PTPN2: variants seen among roughly 807,000 people sequenced by gnomAD.
The protein encoded by PTPN2 is protein tyrosine phosphatase non-receptor type 2.
Under a neutral mutation model 57.3 loss-of-function variants are expected in PTPN2, and 19 were observed. The ratio of observed to expected loss-of-function variants is 0.33; its 90% CI spans 0.23 to 0.49. PTPN2 has a LOEUF of 0.49. PTPN2 is among the 20% of genes least tolerant of loss of function. The pLI, the probability that PTPN2 is intolerant of heterozygous loss-of-function variation, is 0.99. For missense variants in PTPN2, 358 were observed against 501.1 expected (o/e 0.71, Z 2.73); for synonymous variants, 153 against 164.9 (o/e 0.93, Z 0.55).
intron 1 of PTPN2, among the ~76,000 whole-genome samples, chr18:12,860,480 C>T (rs1486494385): frequency 6.6e-6 from 1 of 152,058 alleles, no homozygotes; most frequent in East Asian, 1.9e-4. Context: ...ACCTGTAATC[C>T]CAGCTACTCG....
At chr18:12,818,489 T>C (rs1200914857) in intron 5 of PTPN2, among the ~76,000 whole-genome samples, 1 of 152,224 alleles carries the variant, frequency 6.6e-6, no homozygotes, top group African/African-American at 2.4e-5. Flanking sequence ...TTCCTGGATA[T>C]TCCTGATGAT....
rs935845437 is a variant in PTPN2, at chr18:12,875,232, T to C, written c.69+8841A>G. On this transcript the variant is annotated intron_variant, in intron 1 of 8. Transcript: ENST00000309660. ...GACCTTTGTTCACTTGTTTATCTGC[T>C]GACCTTCCCTTCACTATTGTCCTAT... Among the ~76,000 whole-genome samples, 62 of 152,116 alleles carry C rather than the reference T, an allele frequency of 4.1e-4. 1 individual carries two copies. Among genetic ancestry groups the C allele is most frequent in the Middle Eastern group, 3.4e-3 (1 of 294 alleles).
intron 8 of PTPN2, among the ~76,000 whole-genome samples, chr18:12,799,216 A>G: frequency 6.6e-6 from 1 of 152,144 alleles, no homozygotes; most frequent in East Asian, 1.9e-4. Context: ...CAGGAGTTCG[A>G]GACCAGCCTG....
chr18:12,800,792 G>A (rs897656643), intron 8 of PTPN2, among the ~76,000 whole-genome samples: 1 of 152,168 alleles, frequency 6.6e-6, no homozygotes, highest in African/African-American at 2.4e-5. Context: ...CAGAGATGCA[G>A]GAGAGAGGAA....
At chr18:12,832,947 C>T (rs947119872) in intron 3 of PTPN2, among the ~76,000 whole-genome samples, 3 of 152,150 alleles carry the variant, frequency 2.0e-5, no homozygotes, top group African/African-American at 4.8e-5. Flanking sequence ...CACCACCATG[C>T]CAGGCTGATT....
chr18:12,873,763 T>G (rs984843594), intron 1 of PTPN2, among the ~76,000 whole-genome samples: 3 of 150,536 alleles, frequency 2.0e-5, no homozygotes, highest in South Asian at 2.1e-4. Context: ...TCTGGGATGT[T>G]AGGAGCCCCT....
chr18:12,837,499 A>G (rs1321659144), intron 2 of PTPN2, among the ~76,000 whole-genome samples: 3 of 152,226 alleles, frequency 2.0e-5, no homozygotes, highest in African/African-American at 7.2e-5. Flanking sequence ...AGTTTTTAAA[A>G]GTAAAAATCT....
At chr18:12,871,379 T>C (rs1269895941) in intron 1 of PTPN2, among the ~76,000 whole-genome samples, 1 of 151,688 alleles carries the variant, frequency 6.6e-6, no homozygotes, top group African/African-American at 2.4e-5. Flanking sequence ...AGGTGAAAAA[T>C]GGTATTATTA....
rs140654962 is a variant in PTPN2, at chr18:12,851,974, T to A, written c.160+7190A>T. Among the ~76,000 whole-genome samples, 73 of 152,096 alleles carry A rather than the reference T, an allele frequency of 4.8e-4. 2 individuals are homozygous for A. The East Asian group carries it at 0.013, about 27-fold the overall frequency. On this transcript the variant is annotated intron_variant, in intron 2 of 8. Transcript: ENST00000309660. ...AAGACAAATACTGCATGATTACACA[T>A]ATATTTAGTGTCTAAAGTAATCAAA...
chr18:12,870,420 T>C lies in PTPN2; in HGVS notation c.70-11166A>G, dbSNP rs1475322280. Among the ~76,000 whole-genome samples, 2 of 53,636 alleles carry C rather than the reference T, an allele frequency of 3.7e-5. 1 individual carries two copies. Among genetic ancestry groups the C allele is most frequent in the Non-Finnish European group, 5.8e-5 (2 of 34,208 alleles). The allele number at this position is 53,636 out of a possible 152,430, so 35.2% of individuals were successfully genotyped here. On this transcript the variant is annotated intron_variant, in intron 1 of 8. Transcript: ENST00000309660. ...ATATATACACGTATATATATGTATATATATACGTATATATATATGTGTATA... is the reference window on the plus strand; with the variant it reads ...ATATATACACGTATATATATGTATACATATACGTATATATATATGTGTATA...
intron 7 of PTPN2, among the ~76,000 whole-genome samples, chr18:12,812,460 G>C (rs930726929): frequency 6.6e-6 from 1 of 152,146 alleles, no homozygotes; most frequent in Admixed American, 6.6e-5. Context: ...TTAGCCAGGA[G>C]TGGTGGCAGG....
At chr18:12,880,180 G>T (rs942115654) in intron 1 of PTPN2, among the ~76,000 whole-genome samples, 2 of 152,102 alleles carry the variant, frequency 1.3e-5, no homozygotes, top group Non-Finnish European at 2.9e-5. Flanking sequence ...AGAGAAGGGG[G>T]GAAAGTTGTG....
At position 12,851,248 on chromosome 18, in the gene PTPN2, G is replaced by A. The variant is rs1362743641; in HGVS notation, c.160+7916C>T. On this transcript the variant is annotated intron_variant, in intron 2 of 8. Coordinates refer to ENST00000309660, the MANE Select transcript of PTPN2 (RefSeq NM_002828.4). ...TAATCCCAGCACTTTGGGAGGCCGAGGCGGGTGGATCATGAGGTCAGGAGA... is the reference window on the plus strand; with the variant it reads ...TAATCCCAGCACTTTGGGAGGCCGAAGCGGGTGGATCATGAGGTCAGGAGA... 1.6e-4 allele frequency among the ~76,000 whole-genome samples: 8 copies of A among 50,772 alleles called. 3 individuals are homozygous for A. Among genetic ancestry groups the A allele is most frequent in the African/African-American group, 2.8e-4 (6 of 21,758 alleles). The allele number at this position is 50,772 out of a possible 152,430, so 33.3% of individuals were successfully genotyped here. A position where few individuals can be genotyped will look rare whatever the true frequency, so the allele number is the denominator to read the frequency against.
chr18:12,814,089 C>T (rs938648114), intron 7 of PTPN2, 114 bp downstream of exon 7: 5 of 890,348 alleles, frequency 5.6e-6, no homozygotes, highest in East Asian at 2.8e-5. Flanking sequence ...GGATTTACCA[C>T]AAAAATTCAA....
intron 7 of PTPN2, among the ~76,000 whole-genome samples, chr18:12,806,499 T>C (rs903293702): frequency 2.0e-5 from 3 of 152,094 alleles, no homozygotes; most frequent in African/African-American, 7.2e-5. Flanking sequence ...GCCAAAGCAA[T>C]TTTGAGCAAA....
intron 7 of PTPN2, among the ~76,000 whole-genome samples, chr18:12,811,629 G>A (rs898984680): frequency 3.3e-5 from 5 of 151,976 alleles, no homozygotes; most frequent in East Asian, 1.9e-4. Context: ...AGACTCACTC[G>A]TGCCTATGTT....
rs1367329623 is a variant in PTPN2 at position 12,870,320 on chromosome 18, T to C, written c.70-11066A>G. 3.0e-4 allele frequency among the ~76,000 whole-genome samples: 13 copies of C among 43,214 alleles called. 2 individuals carry two copies. The highest frequency in any genetic ancestry group is 2.2e-3 in the South Asian group (2 of 892). 28.4% of individuals were successfully genotyped at this position (43,214 alleles called of 152,430 possible). ...ATATGTGTATATATACATATATATG[T>C]GTATATATATGTATATATATACATA... is the stretch of plus-strand genomic sequence containing the variant. On this transcript the variant is annotated intron_variant, in intron 1 of 8. Coordinates refer to ENST00000309660, the MANE Select transcript of PTPN2 (RefSeq NM_002828.4).
At chr18:12,827,207 G>A (rs369652435) in intron 4 of PTPN2, among the ~76,000 whole-genome samples, 136 of 152,036 alleles carry the variant, frequency 8.9e-4, no homozygotes, top group Non-Finnish European at 1.6e-3. Flanking sequence ...GCCGGGTGTG[G>A]TGGTGGACGC....
chr18:12,793,577 G>A lies in PTPN2; in HGVS notation c.*701C>T. 1.0e-6 allele frequency: 1 copy of A among 978,016 alleles called. No homozygotes were observed. Among genetic ancestry groups the A allele is most frequent in the Non-Finnish European group, 1.2e-6 (1 of 822,794 alleles). 60.6% of individuals were successfully genotyped at this position (978,016 alleles called of 1,614,324 possible). A position where few individuals can be genotyped will look rare whatever the true frequency, so the allele number is the denominator to read the frequency against. ...TTTTCTTTTTAAAATGGGGAAAACT[G>A]TAAAACATAAAAGAAATGCAATATA... is the stretch of plus-strand genomic sequence containing the variant. On this transcript the variant is annotated 3_prime_UTR_variant, in exon 9 of 9. Coordinates refer to ENST00000309660, the MANE Select transcript of PTPN2 (RefSeq NM_002828.4).
Sources: gnomAD v4.1 joint callset for allele counts (sites outside exome capture counted in the v4.1 genomes callset) on GRCh38, gnomAD v4.1.1 for gene constraint, MANE v1.5 for transcripts, NCBI Gene and HGNC (gene_info 2026-07-23, HGNC 2026-07-21) for gene names.